The following FAM135B variants were observed in gnomAD, a reference collection of about 807,000 sequenced individuals.
The protein encoded by FAM135B is protein FAM135B.
FAM135B carries 43 observed loss-of-function variants against 127.7 expected under a neutral mutation model. The observed-to-expected ratio is 0.34, with a 90% CI of 0.26 to 0.43. The LOEUF (loss-of-function observed/expected upper bound fraction) is 0.43, where lower values mean the gene tolerates loss of function less well. Ranked by LOEUF, FAM135B falls within the 20% of genes least tolerant of loss-of-function variation. The probability of loss-of-function intolerance (pLI) is 1.00; values close to 1 mark genes in which losing one functional copy is unlikely to be tolerated. For missense variants in FAM135B, 1,558 were observed against 1,725.6 expected, an observed-to-expected ratio of 0.90 and a Z score of 1.72; for synonymous variants, 670 against 665.1, an observed-to-expected ratio of 1.01 and a Z score of -0.11.
chr8:138,457,099 GAGAA>G, intron 1 of FAM135B, among the ~76,000 whole-genome samples: 1 of 112,724 alleles, frequency 8.9e-6, no homozygotes, highest in South Asian at 3.7e-4. Flanking sequence ...CTCTAGAAAA[GAGAA>G]GGGATAAGGG....
At chr8:138,455,485 G>C (rs1388869260) in intron 1 of FAM135B, among the ~76,000 whole-genome samples, 2 of 152,118 alleles carry the variant, frequency 1.3e-5, no homozygotes, top group African/African-American at 4.8e-5. Flanking sequence ...TAATTATAAA[G>C]TGCCAGACAT....
rs1175528053 is a variant in FAM135B, at chr8:138,250,858, C to T, written c.525G>A (p.Leu175=). 6.2e-7 allele frequency: 1 copy of T among 1,613,836 alleles called. No individual in the cohort carries two copies. The highest frequency in any genetic ancestry group is 1.1e-5 in the South Asian group (1 of 91,070). Residue 175 remains leucine, a synonymous_variant, in exon 6 of 20, where the codon CTG becomes CTA. Coordinates refer to ENST00000395297, the MANE Select transcript of FAM135B (RefSeq NM_015912.4). The part of the protein sequence containing the change: ...SVTVHAALVA[L]QQPLISFTRP... ...CTTCATACCTGATCAATGGCTGCTGCAGAGCCACCAGGGCAGCATGGACGG... is the reference window on the plus strand; with the variant it reads ...CTTCATACCTGATCAATGGCTGCTGTAGAGCCACCAGGGCAGCATGGACGG...
At chr8:138,174,358 G>C (rs934975504) in intron 11 of FAM135B, among the ~76,000 whole-genome samples, 1 of 152,106 alleles carries the variant, frequency 6.6e-6, no homozygotes, top group African/African-American at 2.4e-5. Flanking sequence ...CCTCCCCGGG[G>C]TGACTACCTT....
rs138482250 is a variant in FAM135B, at chr8:138,426,677, G to A, written c.-19-58675C>T. Among the ~76,000 whole-genome samples the A allele has an allele frequency of 2.1e-3, 325 of 151,600 alleles. 1 individual carries two copies. Among genetic ancestry groups the A allele is most frequent in the African/African-American group, 7.5e-3 (312 of 41,368 alleles). On this transcript the variant is annotated intron_variant, in intron 1 of 19. Coordinates refer to ENST00000395297, the MANE Select transcript of FAM135B (RefSeq NM_015912.4). ...TAGTCATACTTTAAAACACTTCATG[G>A]CAAAGAGAATAAAATACTATTCTAT... is the stretch of plus-strand genomic sequence containing the variant.
rs146633893 is a variant in FAM135B, at chr8:138,488,644, TTG to T, written c.-20+8025_-20+8026del. Among the ~76,000 whole-genome samples, 786 of 152,112 alleles carry T rather than the reference TTG, an allele frequency of 5.2e-3. 8 individuals are homozygous for T. The highest frequency in any genetic ancestry group is 0.018 in the African/African-American group (746 of 41,496). On this transcript the variant is annotated intron_variant, in intron 1 of 19. Coordinates refer to ENST00000395297, the MANE Select transcript of FAM135B (RefSeq NM_015912.4). ...ATAGTGTGCGTTTTTGTTTGTTTTT[TTG>T]TGTGTGAGTGTTTTTGTTTGATTTT...
chr8:138,302,192 AG>A (rs1382678536), intron 3 of FAM135B, among the ~76,000 whole-genome samples: 1 of 151,934 alleles, frequency 6.6e-6, no homozygotes, highest in Non-Finnish European at 1.5e-5. Context: ...AATTCCAAGG[AG>A]GGGGGTGAGG....
intron 1 of FAM135B, among the ~76,000 whole-genome samples, chr8:138,468,922 G>A (rs1837525708): frequency 6.6e-6 from 1 of 152,118 alleles, no homozygotes; most frequent in South Asian, 2.1e-4. Context: ...GCGCATGCCT[G>A]TAATTCCAGC....
At chr8:138,171,892 G>A (rs144192378) in intron 11 of FAM135B, among the ~76,000 whole-genome samples, 5 of 152,242 alleles carry the variant, frequency 3.3e-5, no homozygotes, top group African/African-American at 1.2e-4. Context: ...CTGAGTGTAT[G>A]CAAGTGCACA....
chr8:138,179,670 T>C lies in FAM135B; in HGVS notation c.874-980A>G, dbSNP rs115990608. Among the ~76,000 whole-genome samples the C allele has an allele frequency of 6.3e-3, 954 of 152,282 alleles. 8 individuals are homozygous for C. The highest frequency in any genetic ancestry group is 0.02 in the African/African-American group (839 of 41,544). On this transcript the variant is annotated intron_variant, in intron 9 of 19. Coordinates refer to ENST00000395297, the MANE Select transcript of FAM135B (RefSeq NM_015912.4). ...GGTGCTCCATAGCTTTTCTCCACCA[T>C]CCTCCTCACACTACTCCACATTTGT...
At chr8:138,310,970 T>C in intron 2 of FAM135B, 50 bp from the exon 3 acceptor site, 2 of 1,470,776 alleles carry the variant, frequency 1.4e-6, no homozygotes, top group Non-Finnish European at 1.9e-6. Flanking sequence ...TTCTTAACGT[T>C]GACTTCTAAA....
intron 1 of FAM135B, among the ~76,000 whole-genome samples, chr8:138,429,324 A>G (rs1213936620): frequency 6.6e-6 from 1 of 152,192 alleles, no homozygotes; most frequent in Non-Finnish European, 1.5e-5. Context: ...TGCATGGTAT[A>G]TGATAGGTGG....
intron 10 of FAM135B, 114 bp downstream of exon 10, chr8:138,178,421 C>G (rs16908459): frequency 0.36 from 444,936 of 1,251,288 alleles, 80,966 homozygotes; most frequent in African/African-American, 0.49. Flanking sequence ...GGTAGAGACA[C>G]GAAAGCACGA....
At chr8:138,464,424 C>T (rs1232079152) in intron 1 of FAM135B, among the ~76,000 whole-genome samples, 2 of 152,140 alleles carry the variant, frequency 1.3e-5, no homozygotes, top group African/African-American at 4.8e-5. Context: ...GCACAGGATG[C>T]CAAGAGAGAA....
intron 1 of FAM135B, among the ~76,000 whole-genome samples, chr8:138,458,917 G>A (rs1836960940): frequency 1.3e-5 from 2 of 152,108 alleles, no homozygotes; most frequent in Admixed American, 6.6e-5. Context: ...AGTGAAGTGT[G>A]GGATTTCTGA....
At position 138,152,196 on chromosome 8, in the gene FAM135B, C is replaced by T. The variant is rs371769088; in HGVS notation, c.2279G>A (p.Arg760Gln). ...GGTTAACTTAGTGAGTGCCACCTCC[C>T]GCTCATCCTCCTCAAAAGGTAAAGA... The part of the protein sequence containing the change: ...ISSLPFEEDE[R>Q]EVALTKLTKS... Residue 760 changes from arginine (R) to glutamine (Q), a missense_variant, in exon 13 of 20, where the codon CGG becomes CAG. This residue lies in a region of FAM135B where 923 missense variants were observed against 865.3 expected (regional missense o/e 1.07). Transcript: ENST00000395297. 72 of 1,613,974 alleles carry T rather than the reference C, an allele frequency of 4.5e-5. No homozygotes were observed. The highest frequency in any genetic ancestry group is 8.9e-5 in the East Asian group (4 of 44,874).
chr8:138,382,072 G>A (rs1470342460), intron 1 of FAM135B, among the ~76,000 whole-genome samples: 7 of 152,100 alleles, frequency 4.6e-5, no homozygotes, highest in Admixed American at 3.3e-4. Flanking sequence ...TTTAGCATCT[G>A]TCATTAGCTT....
chr8:138,424,694 A>G (rs1834737582), intron 1 of FAM135B, among the ~76,000 whole-genome samples: 1 of 152,196 alleles, frequency 6.6e-6, no homozygotes, highest in Admixed American at 6.5e-5. Context: ...TCAAATTCAG[A>G]TGTGCCTTAC....
intron 17 of FAM135B, among the ~76,000 whole-genome samples, chr8:138,140,349 C>T (rs1286997877): frequency 1.3e-5 from 2 of 152,162 alleles, no homozygotes; most frequent in Non-Finnish European, 2.9e-5. Context: ...ACCCTAATGC[C>T]ACATAATGGG....
At chr8:138,459,920 C>A (rs1519372) in intron 1 of FAM135B, among the ~76,000 whole-genome samples, 100,101 of 151,960 alleles carry the variant, frequency 0.66, 34,191 homozygotes, top group East Asian at 0.99. Flanking sequence ...GTTACTTCAC[C>A]CATCCTTGTA....
Sources: allele counts gnomAD v4.1 joint callset (sites outside exome capture counted in the v4.1 genomes callset), GRCh38; gene constraint gnomAD v4.1.1; regional missense constraint gnomAD v4.1.1; transcripts MANE v1.5; gene names NCBI Gene and HGNC (gene_info 2026-07-23, HGNC 2026-07-21).